Variants in NWD1 observed in about 807,000 individuals in gnomAD.
The protein encoded by NWD1 is NACHT and WD repeat domain containing 1.
A neutral mutation model predicts 135.1 loss-of-function variants in NWD1; 129 were observed. The observed-to-expected ratio is 0.96, with a 90% CI of 0.83 to 1.11. The LOEUF (loss-of-function observed/expected upper bound fraction) is 1.11, where lower values mean the gene tolerates loss of function less well. NWD1 is among the 50% of genes least tolerant of loss of function. The probability of loss-of-function intolerance (pLI) is 0.00; values close to 1 mark genes in which losing one functional copy is unlikely to be tolerated. For synonymous variants in NWD1, 773 were observed against 786.0 expected, an observed-to-expected ratio of 0.98 and a Z score of 0.28; for missense variants, 1,740 against 1,851.3, an observed-to-expected ratio of 0.94 and a Z score of 1.10.
intron 3 of NWD1, among the ~76,000 whole-genome samples, chr19:16,735,316 C>T (rs1201527731): frequency 1.3e-5 from 2 of 151,938 alleles, no homozygotes; most frequent in African/African-American, 4.8e-5. Flanking sequence ...CCAGCCTGGC[C>T]AACATAGCAA....
intron 4 of NWD1, among the ~76,000 whole-genome samples, chr19:16,737,172 C>G (rs1967856080): frequency 6.6e-6 from 1 of 152,132 alleles, no homozygotes; most frequent in Admixed American, 6.6e-5. Context: ...CTTCTCCCCT[C>G]TCTCTTCCAA....
chr19:16,795,229 A>G (rs1403732994), intron 15 of NWD1, among the ~76,000 whole-genome samples: 1 of 152,160 alleles, frequency 6.6e-6, no homozygotes, highest in Non-Finnish European at 1.5e-5. Flanking sequence ...CTGAGCACTC[A>G]GCCCCTAGCA....
intron 8 of NWD1, among the ~76,000 whole-genome samples, chr19:16,763,233 C>G (rs1476856425): frequency 1.3e-5 from 2 of 152,072 alleles, no homozygotes; most frequent in African/African-American, 4.8e-5. Context: ...CTCTCAGTCT[C>G]TTGCCCTAGT....
intron 15 of NWD1, among the ~76,000 whole-genome samples, chr19:16,796,049 AT>A (rs111356910): frequency 2.0e-5 from 3 of 152,300 alleles, no homozygotes; most frequent in African/African-American, 7.2e-5. Context: ...AGGTTGGGTC[AT>A]CTCTCTCAGT....
chr19:16,724,616 G>C (rs867887250), intron 2 of NWD1, among the ~76,000 whole-genome samples, 153 bp downstream of exon 2: 2 of 152,166 alleles, frequency 1.3e-5, no homozygotes, highest in Non-Finnish European at 2.9e-5. Context: ...GGGAGGCTCA[G>C]GTGGGAGGAT....
At chr19:16,773,358 G>T in intron 11 of NWD1, 35 bp downstream of exon 11, 1 of 1,575,996 alleles carries the variant, frequency 6.3e-7, no homozygotes, top group Non-Finnish European at 8.7e-7. Flanking sequence ...ATCCCAGCAG[G>T]CACCTGCTTG....
chr19:16,744,355 C>G, intron 4 of NWD1, 66 bp from the exon 5 acceptor site: 2 of 1,421,344 alleles, frequency 1.4e-6, no homozygotes, highest in Middle Eastern at 1.7e-4. Context: ...CCAGCCTGGG[C>G]GACAGAGCAA....
At chr19:16,769,655 G>A (rs1462661859) in intron 10 of NWD1, among the ~76,000 whole-genome samples, 3 of 152,058 alleles carry the variant, frequency 2.0e-5, no homozygotes, top group Non-Finnish European at 4.4e-5. Flanking sequence ...TGCGTGCCGG[G>A]GGCCCTGGGC....
intron 8 of NWD1, among the ~76,000 whole-genome samples, chr19:16,763,326 C>T (rs890197305): frequency 1.3e-5 from 2 of 152,110 alleles, no homozygotes; most frequent in African/African-American, 4.8e-5. Context: ...CTCCCCAGTG[C>T]CCTCAGTCTT....
At chr19:16,769,499 T>C (rs1323676522) in intron 10 of NWD1, among the ~76,000 whole-genome samples, 1 of 152,012 alleles carries the variant, frequency 6.6e-6, no homozygotes, top group African/African-American at 2.4e-5. Context: ...AGTATCTCTA[T>C]TGAATCTTCT....
Position 16,762,065 on chromosome 19 carries a change from G to A in NWD1, c.2060G>A (p.Gly687Glu). 1 of 1,614,072 alleles carries A rather than the reference G, an allele frequency of 6.2e-7. No individual in the cohort carries two copies. The highest frequency in any genetic ancestry group is 1.1e-5 in the South Asian group (1 of 91,078). Residue 687 changes from glycine (G) to glutamate (E), a missense_variant, in exon 8 of 19, where the codon GGG becomes GAG. Gly to Glu is a moderately conservative substitution (Grantham distance 98, BLOSUM62 -2). Transcript: ENST00000524140. ...RHGVLADFFS[G>E]TWSQGTKKLI... ...GGCGTCCTGGCCGACTTCTTCTCAGGGACCTGGAGCCAGGGTACCAAGAAG... is the reference window on the plus strand; with the variant it reads ...GGCGTCCTGGCCGACTTCTTCTCAGAGACCTGGAGCCAGGGTACCAAGAAG...
intron 3 of NWD1, among the ~76,000 whole-genome samples, chr19:16,734,451 C>T (rs1044415199): frequency 1.4e-4 from 21 of 150,728 alleles, no homozygotes; most frequent in African/African-American, 4.6e-4. Context: ...AGGAGAATGG[C>T]GTGAACCCGG....
intron 2 of NWD1, among the ~76,000 whole-genome samples, chr19:16,728,107 A>G (rs1484308602): frequency 2.0e-5 from 3 of 152,122 alleles, no homozygotes; most frequent in Admixed American, 1.3e-4. Context: ...ATTAGATAAT[A>G]GCATGCAGCT....
intron 14 of NWD1, among the ~76,000 whole-genome samples, chr19:16,794,167 A>G (rs1970342396): frequency 6.6e-6 from 1 of 151,896 alleles, no homozygotes; most frequent in South Asian, 2.1e-4. Flanking sequence ...AGAGTTTGAG[A>G]CCAGCTTGGC....
Position 16,815,549 on chromosome 19 carries a change from C to T in NWD1, c.*510C>T. ...CACCCCCAGGTTAGCAACATGGTGG[C>T]CAATATGCTGCTGTCTCCAATTTCA... On this transcript the variant is annotated 3_prime_UTR_variant, in exon 19 of 19. Coordinates refer to ENST00000524140, the MANE Select transcript of NWD1 (RefSeq NM_001007525.5). 1 of 517,590 alleles carries T rather than the reference C, an allele frequency of 1.9e-6. No homozygotes were observed. Among genetic ancestry groups the T allele is most frequent in the Non-Finnish European group, 3.4e-6 (1 of 292,572 alleles). The allele number at this position is 517,590 out of a possible 1,614,324, so 32.1% of individuals were successfully genotyped here.
intron 6 of NWD1, among the ~76,000 whole-genome samples, chr19:16,757,952 T>C (rs1247243887): frequency 1.3e-5 from 2 of 151,848 alleles, no homozygotes; most frequent in Non-Finnish European, 2.9e-5. Context: ...CATGGGAGGC[T>C]GAGGCAGGAG....
At chr19:16,785,685 C>A (rs2051962581) in intron 12 of NWD1, among the ~76,000 whole-genome samples, 1 of 148,080 alleles carries the variant, frequency 6.8e-6, no homozygotes, top group African/African-American at 2.5e-5. Context: ...TATATTTATG[C>A]TTTATGTATG....
chr19:16,757,359 C>T (rs573930653), intron 6 of NWD1, among the ~76,000 whole-genome samples: 2 of 152,260 alleles, frequency 1.3e-5, no homozygotes, highest in African/African-American at 2.4e-5. Context: ...CTTCCTCCTC[C>T]GCATGGAGGG....
chr19:16,752,265 C>T (rs566383431), intron 6 of NWD1, among the ~76,000 whole-genome samples: 2 of 151,134 alleles, frequency 1.3e-5, no homozygotes, highest in African/African-American at 4.9e-5. Flanking sequence ...TTGTCGGTTA[C>T]CACAAATTCA....
Sources: allele counts gnomAD v4.1 joint callset (sites outside exome capture counted in the v4.1 genomes callset), GRCh38; gene constraint gnomAD v4.1.1; transcripts MANE v1.5; gene names NCBI Gene and HGNC (gene_info 2026-07-23, HGNC 2026-07-21).